The following OAS3 variants were observed in gnomAD, a reference collection of about 807,000 sequenced individuals.
The protein encoded by OAS3 is 2'-5'-oligoadenylate synthetase 3, also known as 2'-5'-oligoadenylate synthase 3.
OAS3 carries 107 observed loss-of-function variants against 113.0 expected under a neutral mutation model. The ratio of observed to expected loss-of-function variants is 0.95; its 90% CI spans 0.81 to 1.11. The LOEUF is 1.11. Ranked by LOEUF, OAS3 falls within the 50% of genes most tolerant of loss-of-function variation. OAS3 has a pLI of 0.00. For missense variants in OAS3, 1,258 were observed against 1,389.1 expected (o/e 0.91, Z 1.50); for synonymous variants, 552 against 573.6 (o/e 0.96, Z 0.54).
intron 1 of OAS3, among the ~76,000 whole-genome samples, chr12:112,941,013 A>C (rs896202363): frequency 2.0e-5 from 3 of 152,080 alleles, no homozygotes; most frequent in Non-Finnish European, 4.4e-5. Context: ...AAAACTAAAA[A>C]TAAAAATAAA....
At chr12:112,964,126 G>A in intron 10 of OAS3, 109 bp from the exon 11 acceptor site, 2 of 1,135,982 alleles carry the variant, frequency 1.8e-6, no homozygotes, top group South Asian at 3.2e-5. Flanking sequence ...AGGAAAGAGG[G>A]ACATGGGAGA....
At position 112,971,579 on chromosome 12, in the gene OAS3, G is replaced by C. The variant is rs1178517631; in HGVS notation, c.*1606G>C. Reference sequence around the variant, plus strand: ...CAGGAAACAAAGAAAGGAAGCCACTGAACATCCCTTCTCTGCTCCACAGGA... The same window carrying C: ...CAGGAAACAAAGAAAGGAAGCCACTCAACATCCCTTCTCTGCTCCACAGGA... On this transcript the variant is annotated 3_prime_UTR_variant, in exon 16 of 16. Coordinates refer to ENST00000228928, the MANE Select transcript of OAS3 (RefSeq NM_006187.4). 6.6e-6 allele frequency: 1 copy of C among 152,354 alleles called. No homozygotes were observed. Among genetic ancestry groups the C allele is most frequent in the Non-Finnish European group, 1.5e-5 (1 of 68,168 alleles). The allele number at this position is 152,354 out of a possible 1,614,324, so 9.4% of individuals were successfully genotyped here. A position where few individuals can be genotyped will look rare whatever the true frequency, so the allele number is the denominator to read the frequency against.
rs1416447141 is a variant in OAS3 at position 112,972,651 on chromosome 12, C to G, written c.*2678C>G. On this transcript the variant is annotated 3_prime_UTR_variant, in exon 16 of 16. Transcript: ENST00000228928. Reference sequence around the variant, plus strand: ...AGCCTCTGATACTTAAACAGCATGGCGCTGGTACGTAAATAGACCAATGCA... The same window carrying G: ...AGCCTCTGATACTTAAACAGCATGGGGCTGGTACGTAAATAGACCAATGCA... 6.6e-6 allele frequency: 1 copy of G among 152,166 alleles called. No individual in the cohort carries two copies. The highest frequency in any genetic ancestry group is 2.4e-5 in the African/African-American group (1 of 41,428). The allele number at this position is 152,166 out of a possible 1,614,324, so 9.4% of individuals were successfully genotyped here.
At chr12:112,949,617 T>C (rs139370135) in intron 6 of OAS3, among the ~76,000 whole-genome samples, 1,583 of 152,280 alleles carry the variant, frequency 0.01, 35 homozygotes, top group African/African-American at 0.036. Context: ...AAAATGAGAA[T>C]TCTCTTCCCC....
chr12:112,947,331 CAGTA>C (rs1439442941), intron 4 of OAS3, among the ~76,000 whole-genome samples: 1 of 152,210 alleles, frequency 6.6e-6, no homozygotes, highest in East Asian at 1.9e-4. Context: ...CCCTCTCAGT[CAGTA>C]ACCTTCCAAA....
chr12:112,941,030 A>T (rs10850102), intron 1 of OAS3, among the ~76,000 whole-genome samples: 24,512 of 152,004 alleles, frequency 0.16, 2,435 homozygotes, highest in South Asian at 0.27. Context: ...TAAAATTACA[A>T]GTATGGATTT....
intron 2 of OAS3, among the ~76,000 whole-genome samples, chr12:112,942,874 T>G (rs1218254754): frequency 6.6e-6 from 1 of 151,770 alleles, no homozygotes; most frequent in Non-Finnish European, 1.5e-5. Flanking sequence ...TTTGGGCAGA[T>G]AGCCACATCC....
chr12:112,967,889 T>C (rs771016618), intron 13 of OAS3, 47 bp from the exon 14 acceptor site: 2 of 1,582,496 alleles, frequency 1.3e-6, no homozygotes, highest in Non-Finnish European at 1.7e-6. Context: ...CTTCTGTACC[T>C]CATCAGTGCC....
chr12:112,940,830 C>A (rs2043672480), intron 1 of OAS3, among the ~76,000 whole-genome samples: 1 of 152,022 alleles, frequency 6.6e-6, no homozygotes, highest in Non-Finnish European at 1.5e-5. Context: ...TGGTGAAACC[C>A]CATCTCTACT....
In OAS3 at chr12:112,942,942, G is replaced by A. The variant is rs1272840513; in HGVS notation, c.460+1090G>A. ...ACATACTGGGTACACACACACACAC[G>A]CACACACATTTTTAAGACAGGGTCT... On this transcript the variant is annotated intron_variant, in intron 2 of 15. Transcript: ENST00000228928. Among the ~76,000 whole-genome samples the A allele has an allele frequency of 4.0e-5, 6 of 151,040 alleles. No homozygotes were observed. The South Asian group carries it at 6.3e-4, about 16-fold the overall frequency.
rs58792765 is a variant in OAS3, at chr12:112,939,306, C to CTTTTTTTTTTTT, written c.177+619_177+630dup. 4.5e-4 allele frequency among the ~76,000 whole-genome samples: 31 copies of CTTTTTTTTTTTT among 68,300 alleles called. 2 individuals carry two copies. Among genetic ancestry groups the CTTTTTTTTTTTT allele is most frequent in the African/African-American group, 1.6e-3 (30 of 18,276 alleles). The allele number at this position is 68,300 out of a possible 152,430, so 44.8% of individuals were successfully genotyped here. A position where few individuals can be genotyped will look rare whatever the true frequency, so the allele number is the denominator to read the frequency against. On this transcript the variant is annotated intron_variant, in intron 1 of 15. Coordinates refer to ENST00000228928, the MANE Select transcript of OAS3 (RefSeq NM_006187.4). Reference sequence around the variant, plus strand: ...GCTAAATTACTACTCTGAGTCACATCTTTTTTTTTTTTTTTTTTTTTTTTT... The same window carrying CTTTTTTTTTTTT: ...GCTAAATTACTACTCTGAGTCACATCTTTTTTTTTTTTTTTTTTTTTTTTTTTTTTTTTTTTT...
At chr12:112,950,341 A>G (rs1164596257) in intron 6 of OAS3, among the ~76,000 whole-genome samples, 1 of 152,210 alleles carries the variant, frequency 6.6e-6, no homozygotes. Context: ...TGGGACCTCA[A>G]TTTGCAACTG....
chr12:112,948,499 T>TC (rs1246743123), intron 5 of OAS3, among the ~76,000 whole-genome samples: 5 of 38,792 alleles, frequency 1.3e-4, no homozygotes, highest in Non-Finnish European at 2.2e-4. Flanking sequence ...TAAGACTCCG[T>TC]CCCAAAAAAA....
chr12:112,969,685 C>T lies in OAS3; in HGVS notation c.3182C>T (p.Ala1061Val), dbSNP rs552524631. ...CGCTGGGACCTGCTGGCCAAGGAAG[C>T]TGCAGCCTGCACATCTGCCCTGTGC... ...NARWDLLAKE[A>V]AACTSALCCM... The change falls in exon 15 of 16, where the codon GCT becomes GTT. Residue 1061 changes from alanine to valine, a missense_variant. By Grantham distance (64) the Ala-to-Val change is moderately conservative. Transcript: ENST00000228928. 2 of 1,612,334 alleles carry T rather than the reference C, an allele frequency of 1.2e-6. No individual in the cohort carries two copies. The highest frequency in any genetic ancestry group is 1.1e-5 in the South Asian group (1 of 90,528).
intron 5 of OAS3, 36 bp downstream of exon 5, chr12:112,948,135 A>C: frequency 6.7e-7 from 1 of 1,482,802 alleles, no homozygotes; most frequent in Non-Finnish European, 9.0e-7. Flanking sequence ...TGGGTTTTGC[A>C]CTTTGTTTAT....
In OAS3 at chr12:112,963,201, C is replaced by T. The variant is rs2043904128; in HGVS notation, c.2085-112C>T. The T allele has an allele frequency of 7.6e-7, 1 of 1,316,560 alleles. No homozygotes were observed. The highest frequency in any genetic ancestry group is 2.8e-5 in the Admixed American group (1 of 36,158). 81.6% of individuals were successfully genotyped at this position (1,316,560 alleles called of 1,614,324 possible). A position where few individuals can be genotyped will look rare whatever the true frequency, so the allele number is the denominator to read the frequency against. On this transcript the variant is annotated intron_variant, in intron 9 of 15. Coordinates refer to ENST00000228928, the MANE Select transcript of OAS3 (RefSeq NM_006187.4). This position sits in a 1 kb window ranked among gnomAD's most constrained non-coding sequence, Gnocchi z 4.6. ...CTGCACTTGGGCAAGACTGAGCCAACCCTGAGGTCCTGACACTCTTTCCAG... is the reference window on the plus strand; with the variant it reads ...CTGCACTTGGGCAAGACTGAGCCAATCCTGAGGTCCTGACACTCTTTCCAG...
At chr12:112,961,933 C>G (rs1053748701) in intron 8 of OAS3, among the ~76,000 whole-genome samples, 5 of 152,066 alleles carry the variant, frequency 3.3e-5, no homozygotes, top group Non-Finnish European at 5.9e-5. Flanking sequence ...GTAGCTAAGA[C>G]TACAGGCATG....
intron 14 of OAS3, 145 bp from the exon 15 acceptor site, chr12:112,969,463 G>T: frequency 1.1e-6 from 1 of 886,428 alleles, no homozygotes. Context: ...CTGCCCTGTA[G>T]TGTATAGGAG....
intron 7 of OAS3, among the ~76,000 whole-genome samples, chr12:112,960,512 G>A (rs2136356587): frequency 6.6e-6 from 1 of 152,162 alleles, no homozygotes; most frequent in East Asian, 1.9e-4. Flanking sequence ...TTCTTTTTCT[G>A]GAAGATAACG....
Sources: gnomAD v4.1 joint callset for allele counts (sites outside exome capture counted in the v4.1 genomes callset) on GRCh38, gnomAD v4.1.1 for gene constraint, Gnocchi (gnomAD v3.1) non-coding constraint, MANE v1.5 for transcripts, NCBI Gene and HGNC (gene_info 2026-07-23, HGNC 2026-07-21) for gene names.